The following MYLK4 variants were observed in gnomAD, a reference collection of about 807,000 sequenced individuals.
The protein encoded by MYLK4 is myosin light chain kinase family member 4, also known as caMLCK like.
Under a neutral mutation model 48.1 loss-of-function variants are expected in MYLK4, and 46 were observed. The observed-to-expected ratio is 0.96, with a 90% CI of 0.75 to 1.22. The LOEUF is 1.22. MYLK4 is among the 50% of genes most tolerant of loss of function. MYLK4 has a pLI of 0.00. For synonymous variants in MYLK4, 170 were observed against 180.8 expected, an observed-to-expected ratio of 0.94 and a Z score of 0.48; for missense variants, 451 against 486.1, an observed-to-expected ratio of 0.93 and a Z score of 0.68.
rs1761525903 is a variant in MYLK4 at position 2,685,962 on chromosome 6, G to A, written c.342-386C>T. On this transcript the variant is annotated intron_variant, in intron 4 of 12. Transcript: ENST00000274643. This position sits in a 1 kb window ranked among gnomAD's most constrained non-coding sequence, Gnocchi z 4.5. ...ATGTGTCTGTAGTCCCAGCTACTCG[G>A]GAGGCTGAGGCAGGAGAACGGCGTG... Among the ~76,000 whole-genome samples, 1 of 151,978 alleles carries A rather than the reference G, an allele frequency of 6.6e-6. No individual in the cohort carries two copies. The highest frequency in any genetic ancestry group is 1.5e-5 in the Non-Finnish European group (1 of 68,004).
At chr6:2,684,334 G>T (rs1761445837) in intron 6 of MYLK4, among the ~76,000 whole-genome samples, 3 of 152,178 alleles carry the variant, frequency 2.0e-5, no homozygotes, top group African/African-American at 7.2e-5. Context: ...ACTCAGAACA[G>T]TGTGCAATTT....
At chr6:2,761,374 T>A in the MYLK4 span, among the ~76,000 whole-genome samples, 1 of 152,252 alleles carries the variant, frequency 6.6e-6, no homozygotes, top group African/African-American at 2.4e-5. Context: ...TTTGTATTTA[T>A]GCTGATCTGA....
In MYLK4 at chr6:2,666,832, C is replaced by T. The variant is rs539722667; in HGVS notation, c.*1093G>A. ...TAGGAACCTTCCAACTGGAACGTTC[C>T]AACATTCTCACGTCCAGCAGGTGAG... On this transcript the variant is annotated 3_prime_UTR_variant, in exon 13 of 13. Coordinates refer to ENST00000274643, the MANE Select transcript of MYLK4 (RefSeq NM_001012418.5). The T allele has an allele frequency of 1.1e-3, 163 of 152,338 alleles. No individual in the cohort carries two copies. The highest frequency in any genetic ancestry group is 0.01 in the Middle Eastern group (3 of 294). 9.4% of individuals were successfully genotyped at this position (152,338 alleles called of 1,614,324 possible). A position where few individuals can be genotyped will look rare whatever the true frequency, so the allele number is the denominator to read the frequency against.
At chr6:2,766,051 GGCGGCCGCC>G in the MYLK4 span, 1 of 1,295,550 alleles carries the variant, frequency 7.7e-7, no homozygotes, top group East Asian at 3.1e-5. Context: ...GGAAGAGGCC[GGCGGCCGCC>G]GCCGCGGCGG....
At chr6:2,692,214 GCT>G (rs1761830245) in intron 3 of MYLK4, among the ~76,000 whole-genome samples, 1 of 152,070 alleles carries the variant, frequency 6.6e-6, no homozygotes, top group South Asian at 2.1e-4. Context: ...GTGTATTCAG[GCT>G]CTCTGTGCAT....
intron 2 of MYLK4, among the ~76,000 whole-genome samples, chr6:2,727,598 T>C (rs564715454): frequency 6.6e-6 from 1 of 152,328 alleles, no homozygotes; most frequent in East Asian, 1.9e-4. Context: ...TTTAATTTCA[T>C]AGGCCTGGAA....
intron 4 of MYLK4, 28 bp downstream of exon 4, chr6:2,688,823 G>A: frequency 6.4e-7 from 1 of 1,569,472 alleles, no homozygotes; most frequent in Non-Finnish European, 8.8e-7. Flanking sequence ...CTTTTGTTGA[G>A]AGAATATTAA....
chr6:2,679,355 G>A lies in MYLK4; in HGVS notation c.812C>T (p.Ala271Val). 5.6e-6 allele frequency: 9 copies of A among 1,614,156 alleles called. No homozygotes were observed. The highest frequency in any genetic ancestry group is 6.8e-6 in the Non-Finnish European group (8 of 1,180,004). ...AAAATCATAGTTCACAACTTCAGGGGCGAGAAATTCTGGGGTTCCAAAGTT... is the reference window on the plus strand; with the variant it reads ...AAAATCATAGTTCACAACTTCAGGGACGAGAAATTCTGGGGTTCCAAAGTT... ...KVNFGTPEFL[A>V]PEVVNYDFVS... The change falls in exon 9 of 13, where the codon GCC (alanine) becomes GTC (valine). Residue 271 changes from alanine (A) to valine (V), a missense_variant. Coordinates refer to ENST00000274643, the MANE Select transcript of MYLK4 (RefSeq NM_001012418.5).
intron 9 of MYLK4, among the ~76,000 whole-genome samples, chr6:2,678,734 C>T (rs536561278): frequency 6.2e-5 from 8 of 129,512 alleles, no homozygotes; most frequent in East Asian, 2.3e-4. Context: ...TTTTTTGAGA[C>T]GGAGTCTCGC....
In MYLK4 at chr6:2,683,048, C is replaced by A. The variant is rs755027478; in HGVS notation, c.660G>T (p.Gln220His). The stretch of plus-strand genomic sequence containing the variant: ...TCAGGTCCAAGTGGAGAATGTACAT[C>A]TGATGCATGTGCCTTATCCCCTCAC... ...QICEGIRHMHQMYILHLDLKP... is the reference protein window; with the variant it reads ...QICEGIRHMHHMYILHLDLKP... Residue 220 changes from glutamine to histidine, a missense_variant, in exon 7 of 13, where the codon CAG becomes CAT. Gln to His is a conservative substitution (Grantham distance 24). Coordinates refer to ENST00000274643, the MANE Select transcript of MYLK4 (RefSeq NM_001012418.5). The A allele has an allele frequency of 1.9e-6, 3 of 1,614,188 alleles. No homozygotes were observed. The highest frequency in any genetic ancestry group is 2.5e-6 in the Non-Finnish European group (3 of 1,180,036).
chr6:2,729,821 T>C (rs1763414376), intron 2 of MYLK4, among the ~76,000 whole-genome samples: 1 of 152,146 alleles, frequency 6.6e-6, no homozygotes, highest in African/African-American at 2.4e-5. Context: ...CAGTGGCTTC[T>C]GTGATCTTTT....
rs372905506 is a variant in MYLK4 at position 2,731,804 on chromosome 6, G to A, written c.159+17332C>T. Among the ~76,000 whole-genome samples, 21 of 152,282 alleles carry A rather than the reference G, an allele frequency of 1.4e-4. No homozygotes were observed. In the South Asian group the frequency reaches 2.1e-3, roughly 15 times the overall value. On this transcript the variant is annotated intron_variant, in intron 2 of 12. Coordinates refer to ENST00000274643, the MANE Select transcript of MYLK4 (RefSeq NM_001012418.5). The stretch of plus-strand genomic sequence containing the variant: ...TTTCTGTGAGTCCAGTTTTATATGC[G>A]TAGGTTATCTTTTATTATAAAAGGA...
chr6:2,749,937 TC>T (rs1360224090), intron 1 of MYLK4, among the ~76,000 whole-genome samples: 2 of 152,246 alleles, frequency 1.3e-5, no homozygotes, highest in African/African-American at 4.8e-5. Context: ...TGGACAGCAC[TC>T]CCAGATACCT....
intron 3 of MYLK4, 146 bp downstream of exon 3, chr6:2,692,638 A>AT: frequency 1.8e-6 from 1 of 563,552 alleles, no homozygotes; most frequent in South Asian, 2.5e-5. Flanking sequence ...GCAAAAAAAA[A>AT]AAAAGGGGGG....
Position 2,749,374 on chromosome 6 carries a change from C to A in MYLK4, c.-80G>T. 8.9e-7 allele frequency: 1 copy of A among 1,121,350 alleles called. No homozygotes were observed. The highest frequency in any genetic ancestry group is 1.5e-5 in the South Asian group (1 of 65,520). The allele number at this position is 1,121,350 out of a possible 1,614,324, so 69.5% of individuals were successfully genotyped here. On this transcript the variant is annotated 5_prime_UTR_variant, in exon 2 of 13. Coordinates refer to ENST00000274643, the MANE Select transcript of MYLK4 (RefSeq NM_001012418.5). ...TGTCTCCGATTTATAAATCAGGACA[C>A]AATTATGACTCTTCAGTGCTTCTTT...
At chr6:2,756,931 T>A in the MYLK4 span, among the ~76,000 whole-genome samples, 1 of 152,356 alleles carries the variant, frequency 6.6e-6, no homozygotes, top group South Asian at 2.1e-4. Context: ...AAATTGGAAG[T>A]AGATTTCAGA....
the MYLK4 span, chr6:2,765,904 CGAGGGT>C: frequency 1.1e-4 from 153 of 1,456,172 alleles, no homozygotes; most frequent in African/African-American, 8.5e-4. Flanking sequence ...GCAGCGAGGG[CGAGGGT>C]GAGGAGGGCG....
At chr6:2,722,894 GC>G (rs1763121597) in intron 2 of MYLK4, among the ~76,000 whole-genome samples, 1 of 152,018 alleles carries the variant, frequency 6.6e-6, no homozygotes, top group Non-Finnish European at 1.5e-5. Flanking sequence ...TGAATGAATT[GC>G]CCCAATTCTT....
In MYLK4 at chr6:2,692,828, G is replaced by A. The variant is rs114356072; in HGVS notation, c.191C>T (p.Thr64Met). The A allele has an allele frequency of 6.7e-5, 108 of 1,613,668 alleles. No individual in the cohort carries two copies. The African/African-American group carries it at 8.1e-4, about 12-fold the overall frequency. The stretch of plus-strand genomic sequence containing the variant: ...TTTGCTTTTGACGGGCATCCTTTCC[G>A]TCAGGTCGGCGTTTGACCACACCTC... ...AKEVWSNADL[T>M]ERMPVKSKRT... Residue 64 changes from threonine to methionine, a missense_variant, in exon 3 of 13, where the codon ACG (threonine) becomes ATG (methionine). By Grantham distance (81) the Thr-to-Met change is moderately conservative. Transcript: ENST00000274643.
Sources: gnomAD v4.1 joint callset for allele counts (sites outside exome capture counted in the v4.1 genomes callset) on GRCh38, gnomAD v4.1.1 for gene constraint, Gnocchi (gnomAD v3.1) non-coding constraint, MANE v1.5 for transcripts, NCBI Gene and HGNC (gene_info 2026-07-23, HGNC 2026-07-21) for gene names.